CELF2: variants seen among roughly 807,000 people sequenced by gnomAD.
CELF2 encodes CUGBP Elav-like family member 2, also known as CUG triplet repeat RNA-binding protein 2.
In CELF2, 8 loss-of-function variants were observed where a neutral mutation model predicts 62.6. The ratio of observed to expected loss-of-function variants is 0.13; its 90% confidence interval spans 0.07 to 0.23. CELF2 has a LOEUF of 0.23. Ranked by LOEUF, CELF2 falls within the 10% of genes least tolerant of loss-of-function variation. The pLI, the probability that CELF2 is intolerant of heterozygous loss-of-function variation, is 1.00. For synonymous variants in CELF2, 258 were observed against 250.0 expected (o/e 1.03, Z -0.30); for missense variants, 333 against 671.0 (o/e 0.50, Z 5.56).
intron 2 of CELF2, among the ~76,000 whole-genome samples, chr10:11,199,055 G>T (rs938921758): frequency 6.6e-6 from 1 of 152,180 alleles, no homozygotes; most frequent in Non-Finnish European, 1.5e-5. Context: ...GGATACCTTA[G>T]GAGGAGGGGT....
At chr10:10,513,548 A>G in the CELF2 span, among the ~76,000 whole-genome samples, 1 of 152,198 alleles carries the variant, frequency 6.6e-6, no homozygotes, top group African/African-American at 2.4e-5. Flanking sequence ...CACCAAAAAT[A>G]AGAGTAGCAA....
At chr10:10,754,061 GTTTTT>G in the CELF2 span, among the ~76,000 whole-genome samples, 1 of 85,056 alleles carries the variant, frequency 1.2e-5, no homozygotes, top group Non-Finnish European at 2.2e-5. Flanking sequence ...TGCTGAGGTG[GTTTTT>G]TTTTTTTTTT....
the CELF2 span, among the ~76,000 whole-genome samples, chr10:10,594,990 C>T: frequency 3.4e-4 from 52 of 152,312 alleles, no homozygotes; most frequent in Non-Finnish European, 5.9e-4. Context: ...GCTGGTTGCT[C>T]ATGCTAGGAC....
intron 1 of CELF2, among the ~76,000 whole-genome samples, chr10:11,026,417 C>CG (rs1314408598): frequency 5.9e-5 from 9 of 152,268 alleles, no homozygotes; most frequent in South Asian, 2.1e-4. Context: ...CTTTGGAACT[C>CG]GGGGGGAAGA....
chr10:11,214,005 C>A lies in CELF2; in HGVS notation c.272-3420C>A, dbSNP rs140978985. ...TTTTTACTTACTGATGAGACTAGGCCGGGCACAGTAGCTCATGCCTATAGT... is the reference window on the plus strand; with the variant it reads ...TTTTTACTTACTGATGAGACTAGGCAGGGCACAGTAGCTCATGCCTATAGT... On this transcript the variant is annotated intron_variant, in intron 2 of 12. Coordinates refer to ENST00000633077, the MANE Select transcript of CELF2 (RefSeq NM_001326342.2). This position sits in a 1 kb window ranked among gnomAD's most constrained non-coding sequence, Gnocchi z 4.2. 5.8e-4 allele frequency among the ~76,000 whole-genome samples: 89 copies of A among 152,260 alleles called. No individual in the cohort carries two copies. Among genetic ancestry groups the A allele is most frequent in the African/African-American group, 2.0e-3 (85 of 41,538 alleles).
intron 2 of CELF2, among the ~76,000 whole-genome samples, chr10:10,986,374 A>G (rs2052750152): frequency 6.6e-6 from 1 of 152,206 alleles, no homozygotes; most frequent in African/African-American, 2.4e-5. Flanking sequence ...GATTCATCTC[A>G]TAAAGAATTA....
At chr10:11,206,403 T>C (rs903245961) in intron 2 of CELF2, among the ~76,000 whole-genome samples, 6 of 152,382 alleles carry the variant, frequency 3.9e-5, no homozygotes, top group African/African-American at 1.4e-4. Flanking sequence ...AATAACCTTA[T>C]ATTAGAAACT....
At chr10:11,070,214 C>G (rs2069441420) in intron 1 of CELF2, among the ~76,000 whole-genome samples, 1 of 152,012 alleles carries the variant, frequency 6.6e-6, no homozygotes, top group South Asian at 2.1e-4. Context: ...AAGAGAATTT[C>G]AGGTAGAGAG....
chr10:10,468,181 G>A, the CELF2 span, among the ~76,000 whole-genome samples: 5 of 152,120 alleles, frequency 3.3e-5, 1 homozygote, highest in South Asian at 1.0e-3. Flanking sequence ...TTTTGGTGAA[G>A]GACTCTATGA....
At chr10:10,904,628 A>G (rs1429839819) in intron 1 of CELF2, among the ~76,000 whole-genome samples, 1 of 152,166 alleles carries the variant, frequency 6.6e-6, no homozygotes, top group Non-Finnish European at 1.5e-5. Context: ...CCATGGCCTT[A>G]TTCCTGGGCA....
chr10:10,498,334 G>A, the CELF2 span, among the ~76,000 whole-genome samples: 1 of 152,224 alleles, frequency 6.6e-6, no homozygotes, highest in Non-Finnish European at 1.5e-5. Flanking sequence ...AAAGATACTG[G>A]AGGAGGAAAG....
the CELF2 span, among the ~76,000 whole-genome samples, chr10:10,558,505 T>C: frequency 0.022 from 3,289 of 152,162 alleles, 125 homozygotes; most frequent in African/African-American, 0.074. Flanking sequence ...TCTTTTTTTG[T>C]TGTGTCTCTG....
intron 1 of CELF2, among the ~76,000 whole-genome samples, chr10:10,849,723 T>C (rs2059257835): frequency 6.6e-6 from 1 of 152,160 alleles, no homozygotes; most frequent in South Asian, 2.1e-4. Context: ...GATAATGTGT[T>C]TTATCATACG....
At chr10:10,629,251 T>C in the CELF2 span, among the ~76,000 whole-genome samples, 1 of 152,222 alleles carries the variant, frequency 6.6e-6, no homozygotes, top group Non-Finnish European at 1.5e-5. Context: ...TTCTGCACTG[T>C]AACTTTGGGC....
Position 11,285,806 on chromosome 10 carries a change from C to T in CELF2, c.842-2612C>T, listed in dbSNP as rs1470983300. On this transcript the variant is annotated intron_variant, in intron 8 of 12. Coordinates refer to ENST00000633077, the MANE Select transcript of CELF2 (RefSeq NM_001326342.2). This position sits in a 1 kb window ranked among gnomAD's most constrained non-coding sequence, Gnocchi z 4.3. ...TTTGTTTGTCTTACATAGATTTGCT[C>T]ATCACCTACTATATATATTGGTGTG... is the stretch of plus-strand genomic sequence containing the variant. 6.6e-6 allele frequency among the ~76,000 whole-genome samples: 1 copy of T among 150,472 alleles called. No individual in the cohort carries two copies. The highest frequency in any genetic ancestry group is 1.5e-5 in the Non-Finnish European group (1 of 67,818).
At chr10:10,705,863 A>T in the CELF2 span, among the ~76,000 whole-genome samples, 1 of 152,118 alleles carries the variant, frequency 6.6e-6, no homozygotes, top group African/African-American at 2.4e-5. Context: ...CTGCCAGTGT[A>T]ATCACTCCTT....
At chr10:10,527,262 C>T in the CELF2 span, among the ~76,000 whole-genome samples, 16 of 151,992 alleles carry the variant, frequency 1.1e-4, no homozygotes, top group African/African-American at 3.1e-4. Context: ...GCCAACATGA[C>T]GAAACCCCAT....
chr10:11,057,288 T>A (rs150891213), intron 1 of CELF2, among the ~76,000 whole-genome samples: 280 of 148,714 alleles, frequency 1.9e-3, no homozygotes, highest in Non-Finnish European at 2.9e-3. Flanking sequence ...GGGTAGGGGA[T>A]GTGTGGGGTG....
At chr10:11,084,052 G>C (rs1162299916) in intron 1 of CELF2, among the ~76,000 whole-genome samples, 1 of 152,104 alleles carries the variant, frequency 6.6e-6, no homozygotes, top group Non-Finnish European at 1.5e-5. Flanking sequence ...GGTCCCTGCT[G>C]GTTGCCAGTG....
Sources: gnomAD v4.1 joint callset for allele counts (sites outside exome capture counted in the v4.1 genomes callset) on GRCh38, gnomAD v4.1.1 for gene constraint, Gnocchi (gnomAD v3.1) non-coding constraint, MANE v1.5 for transcripts, NCBI Gene and HGNC (gene_info 2026-07-23, HGNC 2026-07-21) for gene names.